The following PTPRM variants were observed in gnomAD, a reference collection of about 807,000 sequenced individuals.
PTPRM encodes the protein receptor-type tyrosine-protein phosphatase mu.
Under a neutral mutation model 186.7 loss-of-function variants are expected in PTPRM, and 47 were observed. The ratio of observed to expected loss-of-function variants is 0.25; its 90% confidence interval spans 0.20 to 0.32. The LOEUF (loss-of-function observed/expected upper bound fraction) is 0.32. PTPRM is among the 10% of genes least tolerant of loss of function. The probability of loss-of-function intolerance (pLI) is 1.00; values close to 1 mark genes in which losing one functional copy is unlikely to be tolerated. For synonymous variants in PTPRM, 668 were observed against 674.9 expected, an observed-to-expected ratio of 0.99 and a Z score of 0.16; for missense variants, 1,494 against 1,865.0, an observed-to-expected ratio of 0.80 and a Z score of 3.66.
chr18:8,248,410 C>A, intron 17 of PTPRM: 1 of 592,892 alleles, frequency 1.7e-6, no homozygotes. Flanking sequence ...CCAACAGGTT[C>A]AAATGAACAA....
At chr18:8,097,920 C>T (rs774386311) in intron 11 of PTPRM, among the ~76,000 whole-genome samples, 6 of 152,180 alleles carry the variant, frequency 3.9e-5, no homozygotes, top group Non-Finnish European at 7.3e-5. Flanking sequence ...CAACAGACTG[C>T]GTATACAGCA....
At chr18:8,342,045 T>C (rs1047065808) in intron 22 of PTPRM, among the ~76,000 whole-genome samples, 5 of 152,102 alleles carry the variant, frequency 3.3e-5, no homozygotes, top group Non-Finnish European at 7.4e-5. Flanking sequence ...GGTAACAGTG[T>C]AGTCAGAAGC....
Position 7,792,832 on chromosome 18 carries a change from T to C in PTPRM, c.196+18561T>C, listed in dbSNP as rs190543943. ...ACAACACAACACTACACCTGGCTAATTTTTTTGTTTTTTGTAGAGATGGGG... is the reference window on the plus strand; with the variant it reads ...ACAACACAACACTACACCTGGCTAACTTTTTTGTTTTTTGTAGAGATGGGG... On this transcript the variant is annotated intron_variant, in intron 2 of 32. Coordinates refer to ENST00000580170, the MANE Select transcript of PTPRM (RefSeq NM_001105244.2). Among the ~76,000 whole-genome samples, 283 of 148,548 alleles carry C rather than the reference T, an allele frequency of 1.9e-3. 5 individuals carry two copies. The East Asian group carries it at 0.031, about 16-fold the overall frequency.
chr18:7,909,317 C>T (rs938182505), intron 4 of PTPRM, among the ~76,000 whole-genome samples: 4 of 152,186 alleles, frequency 2.6e-5, no homozygotes, highest in Non-Finnish European at 5.9e-5. Flanking sequence ...TTGGAGAATA[C>T]CTGTGCTAAT....
intron 14 of PTPRM, among the ~76,000 whole-genome samples, chr18:8,225,166 ATG>A (rs2094198886): frequency 6.6e-6 from 1 of 152,192 alleles, no homozygotes; most frequent in Admixed American, 6.5e-5. Flanking sequence ...TTACTGTGAA[ATG>A]CAGTTCATAT....
At chr18:7,884,950 A>AAAG (rs1201980478) in intron 2 of PTPRM, among the ~76,000 whole-genome samples, 5 of 150,360 alleles carry the variant, frequency 3.3e-5, no homozygotes, top group African/African-American at 4.9e-5. Context: ...AAAAAAAAAA[A>AAAG]AGGAGAGAGA....
intron 1 of PTPRM, among the ~76,000 whole-genome samples, chr18:7,570,893 T>C (rs1312545493): frequency 6.6e-6 from 1 of 151,922 alleles, no homozygotes; most frequent in Non-Finnish European, 1.5e-5. Context: ...TTTGGGCCTG[T>C]GATGACATTG....
intron 22 of PTPRM, among the ~76,000 whole-genome samples, chr18:8,336,023 T>C (rs935982642): frequency 9.6e-6 from 1 of 104,258 alleles, no homozygotes; most frequent in Non-Finnish European, 2.2e-5. Flanking sequence ...CTCTGTCTCA[T>C]AAAAAATAAA....
chr18:8,203,524 G>C (rs79523480), intron 14 of PTPRM, among the ~76,000 whole-genome samples: 6,988 of 152,218 alleles, frequency 0.046, 223 homozygotes, highest in Non-Finnish European at 0.069. Flanking sequence ...AAGACATTGG[G>C]AAAATTTGGA....
intron 19 of PTPRM, among the ~76,000 whole-genome samples, chr18:8,295,451 A>G (rs1170115685): frequency 2.6e-5 from 4 of 152,138 alleles, no homozygotes; most frequent in African/African-American, 7.2e-5. Context: ...ATCTGAGGAC[A>G]CGAGTCCCTA....
chr18:8,376,302 T>C, intron 25 of PTPRM, 102 bp downstream of exon 25: 1 of 1,538,228 alleles, frequency 6.5e-7, no homozygotes, highest in Non-Finnish European at 8.8e-7. Flanking sequence ...AGAGGGGTGA[T>C]GATTGCACAA....
At chr18:7,736,129 T>G (rs1184815207) in intron 1 of PTPRM, among the ~76,000 whole-genome samples, 1 of 152,106 alleles carries the variant, frequency 6.6e-6, no homozygotes, top group Admixed American at 6.5e-5. Flanking sequence ...TCTGAATATT[T>G]TATAGAGTTT....
At chr18:7,974,011 C>A (rs995776574) in intron 7 of PTPRM, among the ~76,000 whole-genome samples, 2 of 150,950 alleles carry the variant, frequency 1.3e-5, no homozygotes, top group Admixed American at 1.3e-4. Flanking sequence ...GGCTGAGGAG[C>A]CTTCTGGGGA....
chr18:8,315,941 C>G (rs575506622), intron 21 of PTPRM, among the ~76,000 whole-genome samples: 2 of 152,158 alleles, frequency 1.3e-5, no homozygotes, highest in East Asian at 1.9e-4. Context: ...CAAAACCATA[C>G]CCTCTCCAGG....
At chr18:8,214,410 T>A (rs980413345) in intron 14 of PTPRM, among the ~76,000 whole-genome samples, 1 of 152,252 alleles carries the variant, frequency 6.6e-6, no homozygotes, top group African/African-American at 2.4e-5. Context: ...TTTGAAAATT[T>A]GAGCAATGGT....
intron 9 of PTPRM, among the ~76,000 whole-genome samples, chr18:8,079,365 T>C (rs2145168158): frequency 6.6e-6 from 1 of 152,298 alleles, no homozygotes; most frequent in Middle Eastern, 3.4e-3. Context: ...AAATCTCTTA[T>C]TTTGTCGAGT....
chr18:8,322,089 C>A (rs2095349274), intron 22 of PTPRM, among the ~76,000 whole-genome samples: 1 of 152,186 alleles, frequency 6.6e-6, no homozygotes, highest in Non-Finnish European at 1.5e-5. Context: ...TCTATTTGTC[C>A]TGTGTTTTGC....
intron 2 of PTPRM, among the ~76,000 whole-genome samples, chr18:7,861,238 T>G (rs1228227426): frequency 6.6e-6 from 1 of 152,206 alleles, no homozygotes; most frequent in Admixed American, 6.5e-5. Flanking sequence ...CCTACAATTT[T>G]TTTTTAACTG....
At chr18:8,344,448 G>GTATATATATATATATA (rs1207996603) in intron 23 of PTPRM, among the ~76,000 whole-genome samples, 475 of 33,276 alleles carry the variant, frequency 0.014, 4 homozygotes, top group South Asian at 0.057. Flanking sequence ...GTGTGTGTGT[G>GTATATATATATATATA]TATATATATA....
Sources: allele counts gnomAD v4.1 joint callset (sites outside exome capture counted in the v4.1 genomes callset), GRCh38; gene constraint gnomAD v4.1.1; transcripts MANE v1.5; gene names NCBI Gene and HGNC (gene_info 2026-07-23, HGNC 2026-07-21).